CASK: variants seen among roughly 807,000 people sequenced by gnomAD.
CASK encodes the protein calcium/calmodulin dependent serine protein kinase, also known as peripheral plasma membrane protein CASK.
A neutral mutation model predicts 82.9 loss-of-function variants in CASK; 4 were observed. The observed-to-expected ratio is 0.05, with a 90% CI of 0.02 to 0.11. CASK has a LOEUF of 0.11. Ranked by LOEUF, CASK falls within the 10% of genes least tolerant of loss-of-function variation. The pLI, the probability that CASK is intolerant of heterozygous loss-of-function variation, is 1.00. For synonymous variants in CASK, 259 were observed against 253.5 expected (o/e 1.02, Z -0.20); for missense variants, 358 against 720.9 (o/e 0.50, Z 5.76).
chrX:41,833,677 A>G, intron 2 of CASK, among the ~76,000 whole-genome samples: 1 of 112,263 alleles, frequency 8.9e-6, no homozygotes, highest in Middle Eastern at 4.6e-3. Context: ...AACCAAGTAT[A>G]CGGGAATAGA....
chrX:41,517,764 T>TAGCAGTAGC lies in CASK; in HGVS notation c.*2647_*2655dup. On this transcript the variant is annotated 3_prime_UTR_variant, in exon 27 of 27. Coordinates refer to ENST00000378163, the MANE Select transcript of CASK (RefSeq NM_001367721.1). ...GATTGCTTAGTGGACAATTGTAATG[T>TAGCAGTAGC]AGCAGTAGCAGCAGCAGCAGCAGCA... 2 of 734,606 alleles carry TAGCAGTAGC rather than the reference T, an allele frequency of 2.7e-6. No individual in the cohort carries two copies. Among genetic ancestry groups the TAGCAGTAGC allele is most frequent in the East Asian group, 3.6e-5 (1 of 28,053 alleles). 60.5% of individuals were successfully genotyped at this position (734,606 alleles called of 1,213,427 possible). A position where few individuals can be genotyped will look rare whatever the true frequency, so the allele number is the denominator to read the frequency against.
chrX:41,850,802 G>A (rs2071248681), intron 2 of CASK, among the ~76,000 whole-genome samples: 1 of 111,303 alleles, frequency 9.0e-6, no homozygotes, highest in Non-Finnish European at 1.9e-5. Flanking sequence ...AAGAAGTTGA[G>A]GGAGGGGAAG....
chrX:41,640,977 CT>C (rs933827422), intron 8 of CASK, among the ~76,000 whole-genome samples: 968 of 49,695 alleles, frequency 0.019, 10 homozygotes, highest in African/African-American at 0.06. Context: ...GGTATCTCGT[CT>C]TTTTTTTTTT....
chrX:41,908,739 G>A (rs1038689559), intron 1 of CASK, among the ~76,000 whole-genome samples: 4 of 112,152 alleles, frequency 3.6e-5, no homozygotes, highest in Non-Finnish European at 5.6e-5. Flanking sequence ...GCAAACACAA[G>A]CGTTTACCTA....
chrX:41,571,539 T>C (rs1401817184), intron 15 of CASK, among the ~76,000 whole-genome samples: 2 of 111,851 alleles, frequency 1.8e-5, no homozygotes, highest in Non-Finnish European at 3.8e-5. Context: ...TTCATGTTTT[T>C]TTTCCCCGTG....
At chrX:41,838,759 C>CA (rs773787670) in intron 2 of CASK, among the ~76,000 whole-genome samples, 1,317 of 99,517 alleles carry the variant, frequency 0.013, 25 homozygotes, top group African/African-American at 0.043. Context: ...GACTCTGTCT[C>CA]AAAAAAAAAA....
chrX:41,727,266 A>G (rs1458080441), intron 5 of CASK: 1 of 1,208,874 alleles, frequency 8.3e-7, no homozygotes, highest in East Asian at 3.0e-5. Context: ...AAGGTTTCCA[A>G]TGGGAATATC....
intron 7 of CASK, among the ~76,000 whole-genome samples, chrX:41,664,818 A>G (rs2067089942): frequency 8.9e-6 from 1 of 112,840 alleles, no homozygotes; most frequent in Non-Finnish European, 1.9e-5. Flanking sequence ...TTTAAGCCAC[A>G]CTGAAATGCC....
chrX:41,612,539 C>A (rs1216623432), intron 11 of CASK, among the ~76,000 whole-genome samples: 3 of 105,672 alleles, frequency 2.8e-5, no homozygotes, highest in African/African-American at 1.0e-4. Context: ...GGGGGTCAGC[C>A]CCCCGCCCGG....
In CASK at chrX:41,671,431, C is replaced by G; in HGVS notation, c.529G>C (p.Gly177Arg). The G allele has an allele frequency of 8.7e-7, 1 of 1,149,650 alleles. No individual in the cohort carries two copies. Among genetic ancestry groups the G allele is most frequent in the Non-Finnish European group, 1.2e-6 (1 of 839,516 alleles). The allele number at this position is 1,149,650 out of a possible 1,213,427, so 94.7% of individuals were successfully genotyped here. ...IQLGESGLVA[G>R]GRVGTPHFMA... is the part of the protein sequence containing the mutation. ...TTTTTTTTTAAAGCAGTCTTACCTC[C>G]AGCTACAAGTCCAGACTCCCCTAAT... is the stretch of plus-strand genomic sequence containing the variant. Residue 177 changes from glycine (G) to arginine (R), a missense_variant, in exon 6 of 27, where the codon GGA becomes CGA. Physicochemically the swap from Gly to Arg is moderately radical, Grantham distance 125 (BLOSUM62 -2). Transcript: ENST00000378163.
chrX:41,548,145 A>T (rs1030366567), intron 21 of CASK, among the ~76,000 whole-genome samples: 5 of 111,532 alleles, frequency 4.5e-5, no homozygotes, highest in African/African-American at 1.6e-4. Flanking sequence ...TTTGAATTTT[A>T]CCAAATGCTT....
chrX:41,545,822 TC>T (rs1398996954), intron 21 of CASK, among the ~76,000 whole-genome samples: 5 of 108,397 alleles, frequency 4.6e-5, no homozygotes, highest in South Asian at 4.1e-4. Flanking sequence ...GAGATATAAT[TC>T]CCCCCCCACC....
At chrX:41,908,203 T>C (rs2072502672) in intron 1 of CASK, among the ~76,000 whole-genome samples, 1 of 111,918 alleles carries the variant, frequency 8.9e-6, no homozygotes, top group Admixed American at 9.4e-5. Context: ...AAACCCCGTC[T>C]CTGCTAAAAA....
chrX:41,537,926 C>T (rs2064897811), intron 22 of CASK, among the ~76,000 whole-genome samples: 1 of 108,691 alleles, frequency 9.2e-6, no homozygotes, highest in Non-Finnish European at 1.9e-5. Flanking sequence ...ACTGCAGCCT[C>T]CGCGGACCTC....
At chrX:41,542,912 A>C in intron 21 of CASK, 106 bp from the exon 22 acceptor site, 1 of 500,763 alleles carries the variant, frequency 2.0e-6, no homozygotes, top group East Asian at 3.7e-5. Flanking sequence ...GCATAACCAT[A>C]CTCATCCTAA....
At chrX:41,888,824 T>C (rs1431840306) in intron 1 of CASK, among the ~76,000 whole-genome samples, 1 of 106,684 alleles carries the variant, frequency 9.4e-6, no homozygotes, top group African/African-American at 3.4e-5. Flanking sequence ...TATGTATATA[T>C]GTATGTATAT....
At chrX:41,891,220 T>G in intron 1 of CASK, among the ~76,000 whole-genome samples, 1 of 105,472 alleles carries the variant, frequency 9.5e-6, no homozygotes, top group South Asian at 4.2e-4. Flanking sequence ...TACATATATG[T>G]TACAGCAATT....
chrX:41,563,061 A>AAAAAG (rs1569307748), intron 16 of CASK, among the ~76,000 whole-genome samples: 18 of 102,719 alleles, frequency 1.8e-4, no homozygotes, highest in African/African-American at 6.0e-4. Context: ...AAAAAAAAAA[A>AAAAAG]AAAAGAAAAG....
intron 21 of CASK, among the ~76,000 whole-genome samples, chrX:41,545,588 T>C (rs989289409): frequency 2.7e-5 from 3 of 111,961 alleles, no homozygotes; most frequent in Non-Finnish European, 5.6e-5. Flanking sequence ...TGGTATCTGG[T>C]AGAGCAAGAC....
Sources: allele counts gnomAD v4.1 joint callset (sites outside exome capture counted in the v4.1 genomes callset), GRCh38; gene constraint gnomAD v4.1.1; transcripts MANE v1.5; gene names NCBI Gene and HGNC (gene_info 2026-07-23, HGNC 2026-07-21).